Variants in FYN observed in about 807,000 individuals in gnomAD.
FYN encodes the protein FYN proto-oncogene, Src family tyrosine kinase.
FYN carries 10 observed loss-of-function variants against 70.2 expected under a neutral mutation model. The observed-to-expected ratio is 0.14, with a 90% CI of 0.09 to 0.24. FYN has a LOEUF of 0.24. FYN is among the 10% of genes least tolerant of loss of function. The probability of loss-of-function intolerance (pLI) is 1.00; values close to 1 mark genes in which losing one functional copy is unlikely to be tolerated. For synonymous variants in FYN, 236 were observed against 248.6 expected (o/e 0.95, Z 0.48); for missense variants, 319 against 673.1 (o/e 0.47, Z 5.82).
At chr6:111,727,034 A>G (rs776733624) in intron 3 of FYN, among the ~76,000 whole-genome samples, 6 of 152,170 alleles carry the variant, frequency 3.9e-5, no homozygotes, top group Non-Finnish European at 8.8e-5. Context: ...TTTCCTTTAT[A>G]AATTACCCGG....
At chr6:111,863,544 A>G (rs554180915) in intron 1 of FYN, among the ~76,000 whole-genome samples, 33 of 152,358 alleles carry the variant, frequency 2.2e-4, no homozygotes, top group African/African-American at 7.9e-4. Context: ...AAGGATTGGG[A>G]AAAGTGCCCT....
intron 2 of FYN, among the ~76,000 whole-genome samples, chr6:111,786,033 T>C (rs1475777651): frequency 6.6e-6 from 1 of 151,650 alleles, no homozygotes; most frequent in Non-Finnish European, 1.5e-5. Context: ...TATTCCATAG[T>C]GTATACGTGC....
intron 2 of FYN, chr6:111,781,103 G>A (rs556218050): frequency 4.5e-4 from 68 of 152,194 alleles, no homozygotes; most frequent in African/African-American, 1.3e-3. Context: ...TTACTGTACT[G>A]ACCTCATAGG....
intron 1 of FYN, among the ~76,000 whole-genome samples, chr6:111,865,812 G>T (rs529909168): frequency 6.6e-6 from 1 of 152,140 alleles, no homozygotes; most frequent in African/African-American, 2.4e-5. Flanking sequence ...TTGTAAATAG[G>T]TTAAAATTCT....
chr6:111,805,407 A>G (rs897666487), intron 2 of FYN, among the ~76,000 whole-genome samples: 2 of 152,242 alleles, frequency 1.3e-5, no homozygotes, highest in African/African-American at 4.8e-5. Context: ...TTTATCTGAG[A>G]TACAAATTTA....
chr6:111,698,811 G>GT (rs1799694302), intron 9 of FYN, among the ~76,000 whole-genome samples: 1 of 152,120 alleles, frequency 6.6e-6, no homozygotes, highest in Non-Finnish European at 1.5e-5. Flanking sequence ...CCAGCCGGGC[G>GT]TGGTGGCTCA....
At chr6:111,715,110 C>T (rs1243968461) in intron 4 of FYN, among the ~76,000 whole-genome samples, 2 of 152,174 alleles carry the variant, frequency 1.3e-5, no homozygotes, top group South Asian at 2.1e-4. Flanking sequence ...ACTCACTCTT[C>T]CTCACACCCA....
intron 3 of FYN, among the ~76,000 whole-genome samples, chr6:111,742,098 A>C (rs1371888831): frequency 6.6e-6 from 1 of 152,192 alleles, no homozygotes; most frequent in Non-Finnish European, 1.5e-5. Context: ...AGGGATAAGT[A>C]ATTTTTGAGA....
Position 111,661,694 on chromosome 6 carries a change from G to T in FYN, c.*45C>A, listed in dbSNP as rs1797737416. On this transcript the variant is annotated 3_prime_UTR_variant, in exon 14 of 14. Coordinates refer to ENST00000354650, the MANE Select transcript of FYN (RefSeq NM_002037.5). This position sits in a 1 kb window ranked among gnomAD's most constrained non-coding sequence, Gnocchi z 4.0. ...CGGAATTGAAAGCTAATGGGGAGGG[G>T]TGGGGCAGCCTCTGGGACAAGGCCT... is the stretch of plus-strand genomic sequence containing the variant. 4 of 1,559,900 alleles carry T rather than the reference G, an allele frequency of 2.6e-6. No homozygotes were observed. In the South Asian group the frequency reaches 4.6e-5, roughly 18 times the overall value.
chr6:111,700,315 C>A, intron 8 of FYN, 47 bp from the exon 9 acceptor site: 8 of 1,591,510 alleles, frequency 5.0e-6, no homozygotes, highest in Non-Finnish European at 6.9e-6. Context: ...GAGCAGAACA[C>A]ATGTAATGAC....
At chr6:111,819,834 A>T (rs1039210976) in intron 2 of FYN, 7 of 152,236 alleles carry the variant, frequency 4.6e-5, no homozygotes, top group Non-Finnish European at 8.8e-5. Context: ...AAATAAATTT[A>T]AAAAATATTA....
intron 1 of FYN, among the ~76,000 whole-genome samples, chr6:111,862,921 G>A (rs578104522): frequency 1.3e-5 from 2 of 152,284 alleles, no homozygotes; most frequent in African/African-American, 2.4e-5. Context: ...AACAAAGGCC[G>A]GAGCCATATT....
intron 2 of FYN, among the ~76,000 whole-genome samples, chr6:111,794,130 C>T (rs1339436307): frequency 6.6e-6 from 1 of 152,216 alleles, no homozygotes; most frequent in Non-Finnish European, 1.5e-5. Flanking sequence ...ATGAGGACAC[C>T]CGGGCCTTTC....
At chr6:111,796,555 T>C (rs1357839147) in intron 2 of FYN, among the ~76,000 whole-genome samples, 1 of 152,246 alleles carries the variant, frequency 6.6e-6, no homozygotes, top group Non-Finnish European at 1.5e-5. Flanking sequence ...ATCCCTGTCC[T>C]GAAGCAACGC....
At chr6:111,665,995 CTTTTT>C (rs991104460) in intron 13 of FYN, among the ~76,000 whole-genome samples, 4 of 89,050 alleles carry the variant, frequency 4.5e-5, no homozygotes, top group African/African-American at 9.2e-5. Flanking sequence ...CCTTTTTCTC[CTTTTT>C]TTTTTTTTTT....
chr6:111,686,454 G>C (rs1799010662), intron 12 of FYN, among the ~76,000 whole-genome samples: 1 of 152,090 alleles, frequency 6.6e-6, no homozygotes, highest in African/African-American at 2.4e-5. Flanking sequence ...ACAGCCCTCA[G>C]GATGATAGAC....
At position 111,714,558 on chromosome 6, in the gene FYN, T is replaced by C. The variant is rs918574359; in HGVS notation, c.248-115A>G. 7 of 756,964 alleles carry C rather than the reference T, an allele frequency of 9.2e-6. No homozygotes were observed. In the African/African-American group the frequency reaches 1.2e-4, roughly 13 times the overall value. 46.9% of individuals were successfully genotyped at this position (756,964 alleles called of 1,614,324 possible). A position where few individuals can be genotyped will look rare whatever the true frequency, so the allele number is the denominator to read the frequency against. On this transcript the variant is annotated intron_variant, in intron 4 of 13. Coordinates refer to ENST00000354650, the MANE Select transcript of FYN (RefSeq NM_002037.5). The stretch of plus-strand genomic sequence containing the variant: ...ACAATCTACATCTAGCCAGCACTAA[T>C]AACATGATGAAGTGTTGTAATTAAC...
intron 12 of FYN, among the ~76,000 whole-genome samples, chr6:111,692,737 C>T (rs1489190194): frequency 6.6e-6 from 1 of 152,196 alleles, no homozygotes; most frequent in Admixed American, 6.5e-5. Context: ...ACAACCTTTG[C>T]CCACTCTCCT....
intron 12 of FYN, among the ~76,000 whole-genome samples, chr6:111,687,642 C>CAGAGAGAG (rs374882686): frequency 3.5e-5 from 5 of 144,356 alleles, no homozygotes; most frequent in East Asian, 4.1e-4. Flanking sequence ...ATGTGTGTGT[C>CAGAGAGAG]AGAGAGAGAG....
Sources: gnomAD v4.1 joint callset for allele counts (sites outside exome capture counted in the v4.1 genomes callset) on GRCh38, gnomAD v4.1.1 for gene constraint, Gnocchi (gnomAD v3.1) non-coding constraint, MANE v1.5 for transcripts, NCBI Gene and HGNC (gene_info 2026-07-23, HGNC 2026-07-21) for gene names.